Variants in ZP3 observed in about 807,000 individuals in gnomAD.
ZP3 encodes the protein zona pellucida glycoprotein 3.
In ZP3, 21 loss-of-function variants were observed where a neutral mutation model predicts 35.6. The ratio of observed to expected loss-of-function variants is 0.59; its 90% CI spans 0.42 to 0.85. ZP3 has a LOEUF of 0.85. Ranked by LOEUF, ZP3 falls within the 40% of genes least tolerant of loss-of-function variation. The pLI, the probability that ZP3 is intolerant of heterozygous loss-of-function variation, is 0.00. For missense variants in ZP3, 437 were observed against 536.5 expected (o/e 0.81, Z 1.83); for synonymous variants, 207 against 214.5 (o/e 0.96, Z 0.31).
Position 76,426,719 on chromosome 7 carries a change from GT to G in ZP3, c.312+1449del, listed in dbSNP as rs1199637893. Among the ~76,000 whole-genome samples the G allele has an allele frequency of 2.0e-5, 3 of 151,886 alleles. No homozygotes were observed. The East Asian group carries it at 5.8e-4, about 29-fold the overall frequency. ...GTGGTATTTTTTTGTTGTTGTTTTT[GT>G]TTTTTGAGACAGTTTTGCTCTTATT... On this transcript the variant is annotated intron_variant, in intron 1 of 7. Transcript: ENST00000394857.
chr7:76,419,763 C>T (rs1406378890), intron 1 of ZP3, among the ~76,000 whole-genome samples: 1 of 137,438 alleles, frequency 7.3e-6, no homozygotes, highest in African/African-American at 2.7e-5. Context: ...TTCTTTTTTC[C>T]CCCTCCCCTC....
At chr7:76,420,504 C>T (rs936680245), upstream of ZP3, among the ~76,000 whole-genome samples, 2 of 152,156 alleles carry the variant, frequency 1.3e-5, no homozygotes, top group Non-Finnish European at 2.9e-5. Flanking sequence ...CATCCATGAA[C>T]ATGGAATACC....
upstream of ZP3, chr7:76,424,883 A>C (rs755232078): frequency 6.7e-6 from 9 of 1,344,060 alleles, no homozygotes; most frequent in Non-Finnish European, 7.9e-6. Flanking sequence ...GCAGCTGAGA[A>C]GCTGAGAGCC....
chr7:76,434,985 G>C (rs1196983439), intron 5 of ZP3, among the ~76,000 whole-genome samples: 4 of 152,332 alleles, frequency 2.6e-5, no homozygotes, highest in Admixed American at 6.5e-5. Flanking sequence ...TGGCTGAGGT[G>C]GGGGAGGGAT....
intron 7 of ZP3, among the ~76,000 whole-genome samples, chr7:76,441,019 A>G (rs1806182244): frequency 6.6e-6 from 1 of 151,476 alleles, no homozygotes; most frequent in Non-Finnish European, 1.5e-5. Context: ...TAAAAATAAA[A>G]AATTAGCTGG....
chr7:76,437,582 G>T (rs1314680395), intron 5 of ZP3, among the ~76,000 whole-genome samples: 3 of 150,830 alleles, frequency 2.0e-5, no homozygotes, highest in East Asian at 2.0e-4. Context: ...CATCTCCCAG[G>T]TTCAAGCAAT....
rs777581823 is a variant in ZP3 at position 76,429,623 on chromosome 7, C to A, written c.421C>A (p.Arg141Ser). ...CCGCGCAGAGATTCCCATCGAGTGC[C>A]GCTACCCCAGGTCGGTGTGGGACTG... The part of the protein sequence containing the change: ...TNRAEIPIEC[R>S]YPRQGNVSSQ... Residue 141 changes from arginine to serine, a missense_variant, in exon 2 of 8, where the codon CGC becomes AGC. This residue lies in a region of ZP3 where 352 missense variants were observed against 308.4 expected (regional missense o/e 1.14). Coordinates refer to ENST00000394857, the MANE Select transcript of ZP3 (RefSeq NM_001110354.2). The A allele has an allele frequency of 6.2e-7, 1 of 1,613,962 alleles. No individual in the cohort carries two copies. Among genetic ancestry groups the A allele is most frequent in the African/African-American group, 1.3e-5 (1 of 75,016 alleles).
intron 1 of ZP3, among the ~76,000 whole-genome samples, chr7:76,405,801 G>T (rs1475973934): frequency 1.3e-5 from 2 of 152,006 alleles, no homozygotes; most frequent in Non-Finnish European, 2.9e-5. Context: ...GGGTTGGCAG[G>T]GTTGGCTCGG....
intron 1 of ZP3, 44 bp from the exon 2 acceptor site, chr7:76,429,471 G>C (rs767451195): frequency 1.9e-6 from 3 of 1,592,168 alleles, no homozygotes; most frequent in Non-Finnish European, 2.6e-6. Flanking sequence ...GGAGTACCCG[G>C]GCAGGTGATG....
chr7:76,430,276 C>T (rs143935931), intron 2 of ZP3, among the ~76,000 whole-genome samples: 1 of 152,310 alleles, frequency 6.6e-6, no homozygotes, highest in Non-Finnish European at 1.5e-5. Flanking sequence ...GTGGCCTACT[C>T]TTCTGTGGTC....
At chr7:76,413,658 T>C (rs1162558963) in intron 1 of ZP3, among the ~76,000 whole-genome samples, 3 of 152,156 alleles carry the variant, frequency 2.0e-5, no homozygotes, top group African/African-American at 4.8e-5. Flanking sequence ...CAGACTAATA[T>C]TTTAATTTTA....
In ZP3 at chr7:76,404,104, G is replaced by A. The variant is rs565916827; in HGVS notation, c.-67+6307G>A. ...CCCTAACTGCCCATTCCATGGGTGC[G>A]TTTACCTGTCACCTCCAGTACTGAG... On this transcript the variant is annotated intron_variant, in intron 1 of 8. Transcript: ENST00000336517. Among the ~76,000 whole-genome samples the A allele has an allele frequency of 7.4e-4, 112 of 152,168 alleles. 1 individual carries two copies. In the South Asian group the frequency reaches 0.016, roughly 22 times the overall value.
chr7:76,438,620 C>A (rs1806102438), intron 5 of ZP3, among the ~76,000 whole-genome samples: 2 of 146,200 alleles, frequency 1.4e-5, no homozygotes, highest in African/African-American at 5.4e-5. Flanking sequence ...GGTCTTTCAG[C>A]TCCCAGCAGG....
intron 1 of ZP3, among the ~76,000 whole-genome samples, chr7:76,402,112 G>A (rs909234074): frequency 6.6e-6 from 1 of 151,330 alleles, no homozygotes; most frequent in Non-Finnish European, 1.5e-5. Context: ...CTCCAATACC[G>A]GAGTTCAATC....
chr7:76,424,223 G>T (rs898680744), upstream of ZP3, among the ~76,000 whole-genome samples: 11 of 152,220 alleles, frequency 7.2e-5, no homozygotes, highest in South Asian at 2.1e-4. Flanking sequence ...TAAGGGCAGG[G>T]CCAGCAGGGG....
At chr7:76,436,030 CTTTTT>C (rs60553917) in intron 5 of ZP3, among the ~76,000 whole-genome samples, 71 of 74,310 alleles carry the variant, frequency 9.6e-4, no homozygotes, top group African/African-American at 3.1e-3. Flanking sequence ...CCCCCGCCCC[CTTTTT>C]TTTTTTTTTT....
chr7:76,437,547 G>A (rs1385824064), intron 5 of ZP3, among the ~76,000 whole-genome samples: 7 of 149,642 alleles, frequency 4.7e-5, no homozygotes, highest in East Asian at 2.0e-4. Context: ...GTGCAATGGC[G>A]TAATCTCAGC....
At chr7:76,412,831 A>T (rs1221173459) in intron 1 of ZP3, among the ~76,000 whole-genome samples, 2 of 151,716 alleles carry the variant, frequency 1.3e-5, no homozygotes, top group African/African-American at 4.8e-5. Context: ...CCTGGGCAAC[A>T]AGAGCAAAAC....
chr7:76,412,224 G>T (rs1314060739), intron 1 of ZP3, among the ~76,000 whole-genome samples: 1 of 151,470 alleles, frequency 6.6e-6, no homozygotes, highest in East Asian at 1.9e-4. Context: ...GATAAAAAAG[G>T]AATAACTGTT....
Sources: gnomAD v4.1 joint callset for allele counts (sites outside exome capture counted in the v4.1 genomes callset) on GRCh38, gnomAD v4.1.1 for gene constraint, gnomAD v4.1.1 regional missense constraint, MANE v1.5 for transcripts, NCBI Gene and HGNC (gene_info 2026-07-23, HGNC 2026-07-21) for gene names.